Variants in VDAC1 observed in about 807,000 individuals in gnomAD.
VDAC1 encodes the protein voltage dependent anion channel 1.
In VDAC1, 10 loss-of-function variants were observed where a neutral mutation model predicts 34.7. That is an observed-to-expected ratio of 0.29 (90% CI 0.18 to 0.49). VDAC1 has a LOEUF of 0.49. Among genes scored for constraint, VDAC1 ranks in the 20% least tolerant of loss-of-function variants. The pLI, the probability that VDAC1 is intolerant of heterozygous loss-of-function variation, is 0.99. For synonymous variants in VDAC1, 130 were observed against 136.0 expected, an observed-to-expected ratio of 0.96 and a Z score of 0.30; for missense variants, 230 against 347.9, an observed-to-expected ratio of 0.66 and a Z score of 2.69.
chr5:133,978,330 T>G (rs1264740243), intron 6 of VDAC1, among the ~76,000 whole-genome samples: 1 of 151,876 alleles, frequency 6.6e-6, no homozygotes, highest in Non-Finnish European at 1.5e-5. Flanking sequence ...AGAGACAGAG[T>G]ATTTCTATGT....
the VDAC1 span, among the ~76,000 whole-genome samples, chr5:134,044,334 G>A: frequency 6.6e-5 from 10 of 152,152 alleles, no homozygotes; most frequent in Non-Finnish European, 8.8e-5. Context: ...TCTGCACAAC[G>A]GCCCCTCCAA....
At chr5:134,003,061 T>C (rs149388827) in intron 1 of VDAC1, among the ~76,000 whole-genome samples, 1 of 151,608 alleles carries the variant, frequency 6.6e-6, no homozygotes, top group African/African-American at 2.4e-5. Context: ...AATAAGCACC[T>C]ACTATGGGCC....
the VDAC1 span, among the ~76,000 whole-genome samples, chr5:134,063,286 G>A: frequency 2.6e-5 from 4 of 152,010 alleles, no homozygotes; most frequent in Non-Finnish European, 5.9e-5. Flanking sequence ...TCCTTTCTCC[G>A]TTCCAACATC....
the VDAC1 span, among the ~76,000 whole-genome samples, chr5:134,018,032 G>A: frequency 1.2e-4 from 19 of 152,368 alleles, no homozygotes; most frequent in South Asian, 4.1e-4. Flanking sequence ...GTGTTAGTCC[G>A]TGTTTGTGTT....
the VDAC1 span, among the ~76,000 whole-genome samples, chr5:134,054,458 C>CTTTTTTTTTTTTT: frequency 7.3e-5 from 9 of 123,544 alleles, no homozygotes; most frequent in African/African-American, 9.3e-5. Flanking sequence ...TCCTTCCTTC[C>CTTTTTTTTTTTTT]TTTTTTTTTT....
the VDAC1 span, among the ~76,000 whole-genome samples, chr5:134,103,080 GC>G: frequency 1.3e-5 from 2 of 152,040 alleles, no homozygotes; most frequent in African/African-American, 4.8e-5. Context: ...GCTATTTGGG[GC>G]ACGTCATGAC....
the VDAC1 span, among the ~76,000 whole-genome samples, chr5:134,102,071 G>A: frequency 6.6e-6 from 1 of 152,206 alleles, no homozygotes; most frequent in African/African-American, 2.4e-5. Flanking sequence ...GCACAGGGGA[G>A]CGGTTTCCTT....
the VDAC1 span, among the ~76,000 whole-genome samples, chr5:134,026,734 G>T: frequency 3.8e-3 from 574 of 152,106 alleles, 7 homozygotes; most frequent in African/African-American, 0.012. Flanking sequence ...TGAGCCATGG[G>T]TGCACTCCCA....
At chr5:134,002,961 G>C (rs1164170961) in intron 1 of VDAC1, among the ~76,000 whole-genome samples, 1 of 104,712 alleles carries the variant, frequency 9.6e-6, no homozygotes, top group Non-Finnish European at 2.1e-5. Flanking sequence ...GCAAGACCCT[G>C]TCTCAAAAAA....
In VDAC1 at chr5:133,972,385, G is replaced by A. The variant is rs1486968733; in HGVS notation, c.*386C>T. On this transcript the variant is annotated 3_prime_UTR_variant, in exon 9 of 9. Coordinates refer to ENST00000265333, the MANE Select transcript of VDAC1 (RefSeq NM_003374.3). ...GAGTTTGTACACACCATCAAGCAGC[G>A]AGCCTCTCATCAATTAGGGTTAGGG... 1.2e-5 allele frequency: 5 copies of A among 401,112 alleles called. No homozygotes were observed. The East Asian group carries it at 1.5e-4, about 12-fold the overall frequency. The allele number at this position is 401,112 out of a possible 1,614,324, so 24.8% of individuals were successfully genotyped here.
At chr5:134,079,460 T>C in the VDAC1 span, among the ~76,000 whole-genome samples, 117,007 of 152,090 alleles carry the variant, frequency 0.77, 45,819 homozygotes, top group African/African-American at 0.91. Flanking sequence ...GGGAGAAGCA[T>C]AGATGGACTT....
At chr5:134,010,408 G>A in the VDAC1 span, among the ~76,000 whole-genome samples, 1 of 152,096 alleles carries the variant, frequency 6.6e-6, no homozygotes, top group African/African-American at 2.4e-5. Flanking sequence ...GACCAGCCTG[G>A]TCAACATGAT....
the VDAC1 span, among the ~76,000 whole-genome samples, chr5:134,055,591 T>TTTTTTTTTTTTTTTTTTTG: frequency 6.2e-5 from 2 of 32,458 alleles, no homozygotes; most frequent in East Asian, 1.6e-3. Context: ...CGCTAATGTT[T>TTTTTTTTTTTTTTTTTTTG]TTTTTTTTTT....
At chr5:133,974,326 A>C (rs897050310) in intron 7 of VDAC1, among the ~76,000 whole-genome samples, 1 of 152,224 alleles carries the variant, frequency 6.6e-6, no homozygotes, top group Non-Finnish European at 1.5e-5. Flanking sequence ...AATGAGCCCA[A>C]TAGGATTTAC....
At chr5:134,105,671 C>T in the VDAC1 span, among the ~76,000 whole-genome samples, 2 of 152,204 alleles carry the variant, frequency 1.3e-5, no homozygotes, top group Non-Finnish European at 2.9e-5. Flanking sequence ...GCAAAACACC[C>T]TAGGCTGCAG....
chr5:134,073,389 T>C, the VDAC1 span, among the ~76,000 whole-genome samples: 1 of 152,180 alleles, frequency 6.6e-6, no homozygotes, highest in African/African-American at 2.4e-5. Flanking sequence ...GAATCAGAAA[T>C]TCCAGGGGTC....
chr5:134,062,933 T>C, the VDAC1 span, among the ~76,000 whole-genome samples: 1 of 152,178 alleles, frequency 6.6e-6, no homozygotes, highest in African/African-American at 2.4e-5. Context: ...GGCCTGAATT[T>C]TCTGAAACAG....
chr5:134,051,247 A>G, the VDAC1 span, among the ~76,000 whole-genome samples: 3 of 152,290 alleles, frequency 2.0e-5, no homozygotes, highest in African/African-American at 7.2e-5. Context: ...AGCCCTCCAG[A>G]TTGCAATGGT....
chr5:134,037,840 A>C, the VDAC1 span, among the ~76,000 whole-genome samples: 2 of 152,110 alleles, frequency 1.3e-5, no homozygotes, highest in African/African-American at 4.8e-5. Flanking sequence ...ACAACAAAAA[A>C]CCTGTAGATT....
Sources: gnomAD v4.1 joint callset for allele counts (sites outside exome capture counted in the v4.1 genomes callset) on GRCh38, gnomAD v4.1.1 for gene constraint, MANE v1.5 for transcripts, NCBI Gene and HGNC (gene_info 2026-07-23, HGNC 2026-07-21) for gene names.